The following GEN1 variants were observed in gnomAD, a reference collection of about 807,000 sequenced individuals.
GEN1 encodes the protein GEN1 structure-specific endonuclease.
In GEN1, 64 loss-of-function variants were observed where a neutral mutation model predicts 67.6. The ratio of observed to expected loss-of-function variants is 0.95; its 90% confidence interval spans 0.77 to 1.17. The LOEUF is 1.17. GEN1 is among the 50% of genes most tolerant of loss of function. The pLI is 0.00. For missense variants in GEN1, 1,058 were observed against 1,048.3 expected, an observed-to-expected ratio of 1.01 and a Z score of -0.13; for synonymous variants, 371 against 359.4, an observed-to-expected ratio of 1.03 and a Z score of -0.37.
Position 17,787,395 on chromosome 2 carries a change from C to T in GEN1, c.*5456C>T, listed in dbSNP as rs914856835. The T allele has an allele frequency of 3.3e-5, 5 of 152,204 alleles. No homozygotes were observed. The highest frequency in any genetic ancestry group is 5.9e-5 in the Non-Finnish European group (4 of 68,042). 9.4% of individuals were successfully genotyped at this position (152,204 alleles called of 1,614,324 possible). A position where few individuals can be genotyped will look rare whatever the true frequency, so the allele number is the denominator to read the frequency against. On this transcript the variant is annotated 3_prime_UTR_variant, in exon 14 of 14. Coordinates refer to ENST00000381254, the MANE Select transcript of GEN1 (RefSeq NM_001130009.3). The stretch of plus-strand genomic sequence containing the variant: ...CCCCAGATGCCTACACAGGGTTTGA[C>T]TCTTCTGCCTCACCAACTCTTACCC...
rs1354181512 is a variant in GEN1 at position 17,788,363 on chromosome 2, CT to C, written c.*6429del. The C allele has an allele frequency of 6.6e-6, 1 of 152,192 alleles. No homozygotes were observed. 9.4% of individuals were successfully genotyped at this position (152,192 alleles called of 1,614,324 possible). On this transcript the variant is annotated 3_prime_UTR_variant, in exon 14 of 14. Coordinates refer to ENST00000381254, the MANE Select transcript of GEN1 (RefSeq NM_001130009.3). ...AGCAATAGTCCAAAACAGTGGGACT[CT>C]TTTTGATGATTTCAAAATGGATAGT... is the stretch of plus-strand genomic sequence containing the variant.
chr2:17,776,527 G>A (rs1399377602), intron 11 of GEN1, among the ~76,000 whole-genome samples: 1 of 152,160 alleles, frequency 6.6e-6, no homozygotes, highest in Non-Finnish European at 1.5e-5. Context: ...GTGATAAAAT[G>A]TTAACAATTG....
intron 2 of GEN1, 111 bp downstream of exon 2, chr2:17,760,215 A>G: frequency 9.7e-7 from 1 of 1,033,384 alleles, no homozygotes. Context: ...TTACATTTTG[A>G]GGTTTTAAGA....
chr2:17,781,987 A>G lies in GEN1; in HGVS notation c.*48A>G. 9.6e-7 allele frequency: 1 copy of G among 1,043,606 alleles called. No homozygotes were observed. The highest frequency in any genetic ancestry group is 1.7e-5 in the South Asian group (1 of 59,390). The allele number at this position is 1,043,606 out of a possible 1,614,324, so 64.6% of individuals were successfully genotyped here. The stretch of plus-strand genomic sequence containing the variant: ...CTTAACTATTTTAGTACTATCAGCA[A>G]TAGCAGAGACAGAGGGAAGGTATCT... On this transcript the variant is annotated 3_prime_UTR_variant, in exon 14 of 14. Transcript: ENST00000381254.
chr2:17,780,850 T>A lies in GEN1; in HGVS notation c.1638T>A (p.Ser546=), dbSNP rs61762986. 21,990 of 1,613,960 alleles carry A rather than the reference T, an allele frequency of 0.014. 190 individuals are homozygous for A. Among genetic ancestry groups the A allele is most frequent in the Non-Finnish European group, 0.016 (18,467 of 1,179,888 alleles). ...PCLNAQEQFM[S]SLRPLAIQQI... The stretch of plus-strand genomic sequence containing the variant: ...TGAATGCACAAGAACAGTTCATGTC[T>A]TCTCTAAGACCTTTGGCTATACAGC... The change falls in exon 14 of 14, where the codon TCT becomes TCA. Residue 546 remains serine, a synonymous_variant. Coordinates refer to ENST00000381254, the MANE Select transcript of GEN1 (RefSeq NM_001130009.3).
At chr2:17,771,544 GA>G (rs1672190842) in intron 7 of GEN1, among the ~76,000 whole-genome samples, 1 of 151,940 alleles carries the variant, frequency 6.6e-6, no homozygotes, top group Non-Finnish European at 1.5e-5. Flanking sequence ...AAATTACTTA[GA>G]TCTTAAAACT....
chr2:17,772,565 A>G (rs1253492696), intron 7 of GEN1, 69 bp from the exon 8 acceptor site: 8 of 1,430,236 alleles, frequency 5.6e-6, no homozygotes, highest in Non-Finnish European at 7.6e-6. Flanking sequence ...GATACTGGCA[A>G]AAAGAATGTA....
intron 1 of GEN1, among the ~76,000 whole-genome samples, chr2:17,756,133 G>C (rs950493437): frequency 2.0e-5 from 3 of 151,808 alleles, no homozygotes; most frequent in African/African-American, 7.3e-5. Context: ...TTTAATACCT[G>C]TCATTTTGTA....
chr2:17,760,412 G>A (rs80326013), intron 2 of GEN1, among the ~76,000 whole-genome samples: 21 of 152,104 alleles, frequency 1.4e-4, no homozygotes, highest in Middle Eastern at 3.4e-3. Flanking sequence ...CATCTAATCC[G>A]TCAGTAAGTC....
intron 5 of GEN1, 35 bp downstream of exon 5, chr2:17,766,724 TAA>T (rs1435812520): frequency 3.4e-6 from 4 of 1,190,866 alleles, no homozygotes; most frequent in Non-Finnish European, 5.0e-6. Flanking sequence ...TTGCTATTCA[TAA>T]AGTCTTTTTC....
chr2:17,761,696 G>A (rs1287229598), intron 3 of GEN1, 114 bp downstream of exon 3: 12 of 691,112 alleles, frequency 1.7e-5, no homozygotes, highest in African/African-American at 9.3e-5. Context: ...GCAGGGATGT[G>A]CCTAGAGAAA....
intron 1 of GEN1, chr2:17,755,453 G>A (rs1026275436): frequency 2.0e-5 from 3 of 152,116 alleles, no homozygotes; most frequent in African/African-American, 4.8e-5. Flanking sequence ...CATTTAATAA[G>A]TATTTATTGA....
rs1423312571 is a variant in GEN1, at chr2:17,783,665, A to G, written c.*1726A>G. 2.0e-5 allele frequency: 3 copies of G among 152,252 alleles called. No individual in the cohort carries two copies. The highest frequency in any genetic ancestry group is 7.2e-5 in the African/African-American group (3 of 41,460). The allele number at this position is 152,252 out of a possible 1,614,324, so 9.4% of individuals were successfully genotyped here. ...ATAGGTCAATATAGATCAATGGCAT[A>G]GAATTGAGAATTCAGAAAAAAAGCC... is the stretch of plus-strand genomic sequence containing the variant. On this transcript the variant is annotated 3_prime_UTR_variant, in exon 14 of 14. Transcript: ENST00000381254.
At position 17,788,033 on chromosome 2, in the gene GEN1, C is replaced by T. The variant is rs908500099; in HGVS notation, c.*6094C>T. The T allele has an allele frequency of 3.3e-5, 5 of 152,166 alleles. No individual in the cohort carries two copies. The highest frequency in any genetic ancestry group is 9.7e-5 in the African/African-American group (4 of 41,438). The allele number at this position is 152,166 out of a possible 1,614,324, so 9.4% of individuals were successfully genotyped here. On this transcript the variant is annotated 3_prime_UTR_variant, in exon 14 of 14. Transcript: ENST00000381254. ...TCTGTGGAGAGAGACCAAATCTAAC[C>T]GGGTGGATTAGCTTGATACCTAGTC... is the stretch of plus-strand genomic sequence containing the variant.
At position 17,778,061 on chromosome 2, in the gene GEN1, C is replaced by G. The variant is rs769860486; in HGVS notation, c.1262C>G (p.Pro421Arg). 5.1e-6 allele frequency: 8 copies of G among 1,582,702 alleles called. No homozygotes were observed. Among genetic ancestry groups the G allele is most frequent in the Admixed American group, 3.4e-5 (2 of 59,670 alleles). Residue 421 changes from proline to arginine, a missense_variant and splice_region_variant, in exon 12 of 14, where the codon CCT (proline) becomes CGT (arginine). Coordinates refer to ENST00000381254, the MANE Select transcript of GEN1 (RefSeq NM_001130009.3). ...VHCFEIEWEKPEHYAMEDKQH... is the reference protein window; with the variant it reads ...VHCFEIEWEKREHYAMEDKQH... The stretch of plus-strand genomic sequence containing the variant: ...TGTTTTGAAATAGAATGGGAAAAGC[C>G]TGGTATGTATTCACTTTAAGCAAAA...
intron 12 of GEN1, 96 bp downstream of exon 12, chr2:17,778,159 C>CAA: frequency 5.5e-6 from 3 of 544,734 alleles, no homozygotes; most frequent in Non-Finnish European, 1.0e-5. Flanking sequence ...TATATACACA[C>CAA]ACACATAGAT....
rs777088285 is a variant in GEN1, at chr2:17,761,474, G to A, written c.240G>A (p.Lys80=). The change falls in exon 3 of 14, where the codon AAG becomes AAA. Residue 80 remains lysine, a synonymous_variant. Coordinates refer to ENST00000381254, the MANE Select transcript of GEN1 (RefSeq NM_001130009.3). ...LVFVMEGEPP[K]LKADVISKRN... Reference sequence around the variant, plus strand: ...TTGTTATGGAAGGGGAACCACCAAAGCTGAAAGCTGATGTCATAAGCAAGA... The same window carrying A: ...TTGTTATGGAAGGGGAACCACCAAAACTGAAAGCTGATGTCATAAGCAAGA... 1 of 1,613,236 alleles carries A rather than the reference G, an allele frequency of 6.2e-7. No homozygotes were observed. The highest frequency in any genetic ancestry group is 2.2e-5 in the East Asian group (1 of 44,856).
chr2:17,766,912 A>T (rs1671962626), intron 5 of GEN1, among the ~76,000 whole-genome samples: 1 of 152,252 alleles, frequency 6.6e-6, no homozygotes. Context: ...AGAATAATGT[A>T]GTACCACAGC....
At chr2:17,780,221 T>C in intron 13 of GEN1, 100 bp downstream of exon 13, 1 of 916,344 alleles carries the variant, frequency 1.1e-6, no homozygotes, top group Non-Finnish European at 1.7e-6. Flanking sequence ...TACTGAAAAA[T>C]CTATAAACTC....
Sources: gnomAD v4.1 joint callset for allele counts (sites outside exome capture counted in the v4.1 genomes callset) on GRCh38, gnomAD v4.1.1 for gene constraint, MANE v1.5 for transcripts, NCBI Gene and HGNC (gene_info 2026-07-23, HGNC 2026-07-21) for gene names.